The following EXD1 variants were observed in gnomAD, a reference collection of about 807,000 sequenced individuals.
EXD1 encodes the protein exonuclease 3'-5' domain containing 1, also known as piRNA biogenesis protein EXD1.
EXD1 carries 63 observed loss-of-function variants against 49.1 expected under a neutral mutation model. The observed-to-expected ratio is 1.28, with a 90% CI of 1.05 to 1.58. EXD1 has a LOEUF of 1.58. EXD1 is among the 40% of genes most tolerant of loss of function. The probability of loss-of-function intolerance (pLI) is 0.00; values close to 1 mark genes in which losing one functional copy is unlikely to be tolerated. For synonymous variants in EXD1, 234 were observed against 239.2 expected (o/e 0.98, Z 0.20); for missense variants, 748 against 666.0 (o/e 1.12, Z -1.36).
intron 5 of EXD1, among the ~76,000 whole-genome samples, chr15:41,216,304 T>TAAAA (rs539573586): frequency 7.3e-6 from 1 of 137,554 alleles, no homozygotes. Context: ...CTGACCTGGT[T>TAAAA]AAAAAAAAAA....
chr15:41,196,846 G>C (rs1274300223), intron 7 of EXD1, among the ~76,000 whole-genome samples: 2 of 151,768 alleles, frequency 1.3e-5, no homozygotes, highest in East Asian at 3.9e-4. Flanking sequence ...TTTTTTTTGA[G>C]ACAGGGCCTT....
At chr15:41,184,835 G>A (rs1359537185) in intron 11 of EXD1, among the ~76,000 whole-genome samples, 8 of 151,652 alleles carry the variant, frequency 5.3e-5, no homozygotes, top group African/African-American at 1.9e-4. Context: ...TTTTTCTATT[G>A]TTAGTAGAGA....
In EXD1 at chr15:41,184,483, TATC is replaced by T; in HGVS notation, c.1164_1166del (p.Ile389del). On this transcript the variant is annotated inframe_deletion, in exon 12 of 12. Coordinates refer to ENST00000458580, the MANE Select transcript of EXD1 (RefSeq NM_001286441.2). ...ATTTCTTTGGCTGTAGCACTGTCCT[TATC>T]AGGAGTCCCTGTGCATTCACCCTAT... 6.2e-7 allele frequency: 1 copy of T among 1,614,198 alleles called. No individual in the cohort carries two copies. The highest frequency in any genetic ancestry group is 1.1e-5 in the South Asian group (1 of 91,082).
chr15:41,228,782 T>C (rs2047197198), intron 1 of EXD1, among the ~76,000 whole-genome samples: 1 of 152,128 alleles, frequency 6.6e-6, no homozygotes, highest in African/African-American at 2.4e-5. Flanking sequence ...CACTGCAACC[T>C]CTGCCTCCCG....
intron 2 of EXD1, among the ~76,000 whole-genome samples, chr15:41,222,321 C>T (rs868700404): frequency 2.6e-5 from 4 of 152,080 alleles, no homozygotes; most frequent in Non-Finnish European, 5.9e-5. Context: ...AGGCCAAGGC[C>T]GGAGAATCAC....
chr15:41,217,766 C>T (rs137967919), intron 3 of EXD1, among the ~76,000 whole-genome samples: 7 of 152,114 alleles, frequency 4.6e-5, no homozygotes, highest in African/African-American at 1.4e-4. Flanking sequence ...AATCTCTTGA[C>T]CTCTTGATCC....
At chr15:41,218,255 G>C (rs1595456266) in intron 3 of EXD1, among the ~76,000 whole-genome samples, 1 of 151,890 alleles carries the variant, frequency 6.6e-6, no homozygotes, top group Admixed American at 6.6e-5. Context: ...GAGGGTGAGG[G>C]GGGTGAATCA....
At chr15:41,206,929 CTTTTTTTTTT>C (rs532980257) in intron 7 of EXD1, among the ~76,000 whole-genome samples, 1 of 54,380 alleles carries the variant, frequency 1.8e-5, no homozygotes, top group African/African-American at 6.3e-5. Context: ...CTATTCAACT[CTTTTTTTTTT>C]TTTTTTTTTT....
chr15:41,209,577 A>G lies in EXD1; in HGVS notation c.458T>C (p.Ile153Thr). Residue 153 changes from isoleucine (I) to threonine (T), a missense_variant, in exon 7 of 12, where the codon ATC (isoleucine) becomes ACC (threonine). Physicochemically the swap from Ile to Thr is moderately conservative, Grantham distance 89 (BLOSUM62 -1). Transcript: ENST00000458580. ...QQKFGAAILH[I>T]KKQNVLSVAA... ...CACACTCAGGACATTCTGCTTCTTGATATGGAGTATCTGGTAAGAAAAAGA... is the reference window on the plus strand; with the variant it reads ...CACACTCAGGACATTCTGCTTCTTGGTATGGAGTATCTGGTAAGAAAAAGA... 1 of 1,614,088 alleles carries G rather than the reference A, an allele frequency of 6.2e-7. No individual in the cohort carries two copies. The highest frequency in any genetic ancestry group is 8.5e-7 in the Non-Finnish European group (1 of 1,179,992).
intron 7 of EXD1, among the ~76,000 whole-genome samples, chr15:41,199,771 A>G (rs1489633900): frequency 8.8e-5 from 2 of 22,720 alleles, no homozygotes; most frequent in Non-Finnish European, 1.9e-4. Flanking sequence ...TATATGATAT[A>G]TATGTCATAT....
intron 3 of EXD1, among the ~76,000 whole-genome samples, chr15:41,219,304 G>A (rs1259458559): frequency 6.6e-6 from 1 of 152,110 alleles, no homozygotes; most frequent in Non-Finnish European, 1.5e-5. Flanking sequence ...ACTCTTGGTG[G>A]CAAAACTTGA....
chr15:41,226,605 TA>T lies in EXD1; in HGVS notation c.-31del. Reference sequence around the variant, plus strand: ...ATTGATTCCAAAAGCCGTCTTCAAATAATCTTCTTTAAGCATCCAAACACTT... The same window carrying T: ...ATTGATTCCAAAAGCCGTCTTCAAATATCTTCTTTAAGCATCCAAACACTT... On this transcript the variant is annotated 5_prime_UTR_variant, in exon 2 of 12. It removes the in-frame stop codon of an upstream open reading frame in the 5' UTR. Coordinates refer to ENST00000458580, the MANE Select transcript of EXD1 (RefSeq NM_001286441.2). 1 of 1,526,916 alleles carries T rather than the reference TA, an allele frequency of 6.5e-7. No homozygotes were observed. 94.6% of individuals were successfully genotyped at this position (1,526,916 alleles called of 1,614,324 possible).
chr15:41,227,044 T>C (rs1424260278), intron 1 of EXD1, among the ~76,000 whole-genome samples: 7 of 152,218 alleles, frequency 4.6e-5, no homozygotes, highest in Admixed American at 4.6e-4. Flanking sequence ...CATAACTACC[T>C]GAGCTGCTAT....
chr15:41,216,927 C>G, intron 4 of EXD1, 132 bp from the exon 5 acceptor site: 1 of 1,407,740 alleles, frequency 7.1e-7, no homozygotes, highest in Non-Finnish European at 9.7e-7. Flanking sequence ...CCACTGCTTA[C>G]ATTGACTTGA....
intron 11 of EXD1, among the ~76,000 whole-genome samples, chr15:41,186,779 TTTTTTCTTTTA>T (rs2140797891): frequency 6.6e-6 from 1 of 152,126 alleles, no homozygotes; most frequent in East Asian, 1.9e-4. Flanking sequence ...TATTTCTTTT[TTTTTTCTTTTA>T]GGAGATGGAG....
Position 41,190,040 on chromosome 15 carries a change from C to T in EXD1, c.953G>A (p.Arg318His), listed in dbSNP as rs755887471. The T allele has an allele frequency of 2.2e-5, 35 of 1,613,862 alleles. No individual in the cohort carries two copies. Among genetic ancestry groups the T allele is most frequent in the Admixed American group, 5.0e-5 (3 of 59,952 alleles). Residue 318 changes from arginine to histidine, a missense_variant, in exon 11 of 12, where the codon CGC becomes CAC. Arg to His is a conservative substitution (Grantham distance 29). Coordinates refer to ENST00000458580, the MANE Select transcript of EXD1 (RefSeq NM_001286441.2). Reference protein sequence around the residue: ...ALEATYLLPLRLALLDEMMSD... With the variant: ...ALEATYLLPLHLALLDEMMSD... ...CATCATCTCATCTAGGAGTGCCAAG[C>T]GAAGGGGTAACAGGTAGGTAGCTTC...
chr15:41,195,788 A>T lies in EXD1; in HGVS notation c.707T>A (p.Val236Asp). 1 of 1,613,430 alleles carries T rather than the reference A, an allele frequency of 6.2e-7. No individual in the cohort carries two copies. Among genetic ancestry groups the T allele is most frequent in the Non-Finnish European group, 8.5e-7 (1 of 1,179,770 alleles). The change falls in exon 9 of 12, where the codon GTC (valine) becomes GAC (aspartate). Residue 236 changes from valine to aspartate, a missense_variant. Transcript: ENST00000458580. Reference protein sequence around the residue: ...SHQYGILLNNVFDTQVADVLQ... With the variant: ...SHQYGILLNNDFDTQVADVLQ... ...CCCTTCATGTACCTGTGTGTCAAAG[A>T]CATTATTCAGCAAAATTCCATACTG... is the stretch of plus-strand genomic sequence containing the variant.
intron 9 of EXD1, among the ~76,000 whole-genome samples, chr15:41,192,790 A>ATT (rs57676752): frequency 1.0e-3 from 78 of 74,732 alleles, no homozygotes; most frequent in East Asian, 3.4e-3. Flanking sequence ...TATTCTTAAG[A>ATT]TTTTTTTTTT....
intron 10 of EXD1, chr15:41,190,503 A>G: frequency 3.5e-6 from 1 of 286,404 alleles, no homozygotes; most frequent in Admixed American, 4.6e-5. Flanking sequence ...AAAAGAAAAG[A>G]AAAGAACTGT....
Sources: gnomAD v4.1 joint callset for allele counts (sites outside exome capture counted in the v4.1 genomes callset) on GRCh38, gnomAD v4.1.1 for gene constraint, MANE v1.5 for transcripts, NCBI Gene and HGNC (gene_info 2026-07-23, HGNC 2026-07-21) for gene names.